MTBP: variants seen among roughly 807,000 people sequenced by gnomAD.
The protein encoded by MTBP is mdm2-binding protein.
Under a neutral mutation model 117.0 loss-of-function variants are expected in MTBP, and 101 were observed. That is an observed-to-expected ratio of 0.86 (90% CI 0.73 to 1.02). MTBP has a LOEUF of 1.02. Ranked by LOEUF, MTBP falls within the 50% of genes least tolerant of loss-of-function variation. The probability of loss-of-function intolerance (pLI) is 0.00; values close to 1 mark genes in which losing one functional copy is unlikely to be tolerated. For missense variants in MTBP, 970 were observed against 1,030.9 expected, an observed-to-expected ratio of 0.94 and a Z score of 0.81; for synonymous variants, 350 against 351.5, an observed-to-expected ratio of 1.00 and a Z score of 0.05.
At chr8:120,521,699 T>A (rs181876264) in intron 20 of MTBP, among the ~76,000 whole-genome samples, 232 of 152,360 alleles carry the variant, frequency 1.5e-3, no homozygotes, top group Non-Finnish European at 3.0e-3. Flanking sequence ...TACTTTGTAA[T>A]AATCACTAAA....
At chr8:120,502,004 G>C (rs969124535) in intron 14 of MTBP, among the ~76,000 whole-genome samples, 1 of 152,136 alleles carries the variant, frequency 6.6e-6, no homozygotes, top group African/African-American at 2.4e-5. Context: ...TTCTGCGAGA[G>C]AACATCAGAA....
intron 4 of MTBP, 84 bp downstream of exon 4, chr8:120,451,406 T>C: frequency 8.3e-7 from 1 of 1,199,944 alleles, no homozygotes; most frequent in Non-Finnish European, 1.2e-6. Flanking sequence ...AGATTATATA[T>C]TTTAGCATCT....
intron 6 of MTBP, 109 bp downstream of exon 6, chr8:120,455,688 C>A (rs1813453088): frequency 1.9e-6 from 2 of 1,075,226 alleles, no homozygotes; most frequent in Admixed American, 2.2e-5. Flanking sequence ...AATATGACAA[C>A]ATAAAATTCT....
At chr8:120,460,035 A>G (rs1417454053) in intron 8 of MTBP, among the ~76,000 whole-genome samples, 1 of 152,134 alleles carries the variant, frequency 6.6e-6, no homozygotes, top group African/African-American at 2.4e-5. Context: ...AAAAGAACTA[A>G]TTTAAGAACA....
At chr8:120,469,347 T>TA (rs1813770219) in intron 10 of MTBP, among the ~76,000 whole-genome samples, 2 of 152,100 alleles carry the variant, frequency 1.3e-5, no homozygotes. Context: ...TGCCTGGCCT[T>TA]ATTGAGCTTT....
intron 13 of MTBP, 37 bp from the exon 14 acceptor site, chr8:120,497,356 A>G: frequency 6.4e-7 from 1 of 1,554,068 alleles, no homozygotes; most frequent in Non-Finnish European, 8.7e-7. Flanking sequence ...GCTCCAGAGA[A>G]TACAAAATAA....
At chr8:120,485,944 C>T (rs1340132451) in intron 11 of MTBP, among the ~76,000 whole-genome samples, 2 of 152,176 alleles carry the variant, frequency 1.3e-5, no homozygotes, top group Non-Finnish European at 2.9e-5. Flanking sequence ...TTCCCTGATA[C>T]CTTCTTTGTC....
Position 120,482,698 on chromosome 8 carries a change from T to C in MTBP, c.1166-5461T>C, listed in dbSNP as rs571506256. Among the ~76,000 whole-genome samples, 4 of 152,188 alleles carry C rather than the reference T, an allele frequency of 2.6e-5. No homozygotes were observed. In the South Asian group the frequency reaches 6.2e-4, roughly 24 times the overall value. On this transcript the variant is annotated intron_variant, in intron 11 of 21. Transcript: ENST00000305949. Reference sequence around the variant, plus strand: ...TCAACAGTACTATTCTTCTTTTTTTTTTTCTTTCTTTCTTTTTTTGAGACG... The same window carrying C: ...TCAACAGTACTATTCTTCTTTTTTTCTTTCTTTCTTTCTTTTTTTGAGACG...
chr8:120,512,179 T>C (rs540799887), intron 17 of MTBP, among the ~76,000 whole-genome samples: 2 of 152,254 alleles, frequency 1.3e-5, no homozygotes, highest in East Asian at 3.9e-4. Flanking sequence ...ATATTATTAT[T>C]ATGAAAAGTA....
intron 10 of MTBP, among the ~76,000 whole-genome samples, chr8:120,465,714 C>A (rs140143374): frequency 7.6e-6 from 1 of 130,996 alleles, no homozygotes; most frequent in African/African-American, 2.8e-5. Flanking sequence ...GGCTGGAGAG[C>A]AGTGGCGCGA....
intron 11 of MTBP, among the ~76,000 whole-genome samples, chr8:120,487,644 T>A (rs1344729719): frequency 6.6e-6 from 1 of 152,244 alleles, no homozygotes; most frequent in African/African-American, 2.4e-5. Context: ...TACTAGACGC[T>A]GTCTTAACTG....
At chr8:120,503,690 A>C (rs1814630544) in intron 15 of MTBP, among the ~76,000 whole-genome samples, 1 of 152,178 alleles carries the variant, frequency 6.6e-6, no homozygotes, top group African/African-American at 2.4e-5. Flanking sequence ...CGGCAAATAA[A>C]TTGCAGGAGG....
chr8:120,472,754 A>G (rs1429250931), intron 11 of MTBP: 1 of 152,220 alleles, frequency 6.6e-6, no homozygotes, highest in Non-Finnish European at 1.5e-5. Flanking sequence ...TACTTCTGTT[A>G]CATTCCGTTA....
intron 12 of MTBP, among the ~76,000 whole-genome samples, chr8:120,489,681 C>CT (rs1376302587): frequency 6.6e-6 from 1 of 152,154 alleles, no homozygotes; most frequent in Non-Finnish European, 1.5e-5. Context: ...AGATTTATTA[C>CT]TTACAGATAG....
intron 10 of MTBP, among the ~76,000 whole-genome samples, chr8:120,465,078 G>T (rs1179944715): frequency 1.3e-5 from 2 of 152,084 alleles, no homozygotes; most frequent in Admixed American, 6.6e-5. Flanking sequence ...GACAGCTTAT[G>T]AATTAGTATA....
intron 10 of MTBP, among the ~76,000 whole-genome samples, chr8:120,465,818 C>T (rs533391616): frequency 1.3e-5 from 2 of 151,918 alleles, no homozygotes; most frequent in South Asian, 4.2e-4. Context: ...TGCCACCATG[C>T]CTGGCTAATT....
At chr8:120,483,007 CTTTTT>C (rs71306885) in intron 11 of MTBP, among the ~76,000 whole-genome samples, 5 of 140,046 alleles carry the variant, frequency 3.6e-5, no homozygotes, top group African/African-American at 1.3e-4. Context: ...ACAGTACTAT[CTTTTT>C]TTTTTTTTTT....
intron 20 of MTBP, among the ~76,000 whole-genome samples, chr8:120,521,135 G>A (rs1815002028): frequency 6.6e-6 from 1 of 152,014 alleles, no homozygotes; most frequent in African/African-American, 2.4e-5. Context: ...AAGCAGAAAG[G>A]AAGCTGAACT....
At chr8:120,513,926 T>C (rs1223018721) in intron 17 of MTBP, among the ~76,000 whole-genome samples, 2 of 151,916 alleles carry the variant, frequency 1.3e-5, no homozygotes, top group Admixed American at 1.3e-4. Context: ...GCTAGAGAGA[T>C]GCCAAGACCT....
Sources: allele counts gnomAD v4.1 joint callset (sites outside exome capture counted in the v4.1 genomes callset), GRCh38; gene constraint gnomAD v4.1.1; transcripts MANE v1.5; gene names NCBI Gene and HGNC (gene_info 2026-07-23, HGNC 2026-07-21).